The following RORC variants were observed in gnomAD, a reference collection of about 807,000 sequenced individuals.
The protein encoded by RORC is nuclear receptor ROR-gamma.
Under a neutral mutation model 64.5 loss-of-function variants are expected in RORC, and 13 were observed. That is an observed-to-expected ratio of 0.20 (90% CI 0.13 to 0.32). The LOEUF (loss-of-function observed/expected upper bound fraction) is 0.32. Ranked by LOEUF, RORC falls within the 10% of genes least tolerant of loss-of-function variation. The probability of loss-of-function intolerance (pLI) is 1.00; values close to 1 mark genes in which losing one functional copy is unlikely to be tolerated. For missense variants in RORC, 468 were observed against 669.5 expected (o/e 0.70, Z 3.32); for synonymous variants, 277 against 259.3 (o/e 1.07, Z -0.65).
chr1:151,817,372 T>G, intron 2 of RORC, 92 bp from the exon 3 acceptor site: 1 of 824,760 alleles, frequency 1.2e-6, no homozygotes, highest in Non-Finnish European at 2.1e-6. Flanking sequence ...TACCTGGTGC[T>G]TCCACTACTT....
At chr1:151,817,378 T>C in intron 2 of RORC, 98 bp from the exon 3 acceptor site, 2 of 795,696 alleles carry the variant, frequency 2.5e-6, no homozygotes, top group Non-Finnish European at 4.4e-6. Context: ...GTGCTTCCAC[T>C]ACTTCTCCAA....
At chr1:151,809,196 C>T (rs112425126) in intron 10 of RORC, among the ~76,000 whole-genome samples, 193 of 151,972 alleles carry the variant, frequency 1.3e-3, no homozygotes, top group African/African-American at 3.6e-3. Flanking sequence ...GTCAGGAGTT[C>T]GAGACCAGCC....
At position 151,827,822 on chromosome 1, in the gene RORC, G is replaced by C. The variant is rs187377051; in HGVS notation, c.70+1607C>G. 2.8e-3 allele frequency among the ~76,000 whole-genome samples: 431 copies of C among 152,306 alleles called. 3 individuals are homozygous for C. The highest frequency in any genetic ancestry group is 9.6e-3 in the African/African-American group (399 of 41,562). On this transcript the variant is annotated intron_variant, in intron 2 of 10. Transcript: ENST00000318247. ...ACACGAGGACTGGTGGGATGGGAAA[G>C]GGATAAGGAGGTATAGTCCTGGCTG...
At chr1:151,809,936 T>C (rs1459285706) in intron 10 of RORC, among the ~76,000 whole-genome samples, 1 of 151,994 alleles carries the variant, frequency 6.6e-6, no homozygotes, top group Non-Finnish European at 1.5e-5. Context: ...TTAACGCTTA[T>C]ATGGCATTGA....
intron 2 of RORC, among the ~76,000 whole-genome samples, chr1:151,823,813 A>G (rs1652087163): frequency 6.6e-6 from 1 of 152,130 alleles, no homozygotes; most frequent in Admixed American, 6.5e-5. Flanking sequence ...GCGAATTAAA[A>G]AAAACTTTTT....
intron 4 of RORC, among the ~76,000 whole-genome samples, chr1:151,816,134 G>A (rs947683011): frequency 1.7e-4 from 26 of 152,206 alleles, no homozygotes; most frequent in Non-Finnish European, 3.2e-4. Context: ...TGGTGGTGGA[G>A]GTGTGCAGGG....
rs1175316437 is a variant in RORC, at chr1:151,811,418, T to C, written c.1302A>G (p.Gln434=). 1 of 1,613,216 alleles carries C rather than the reference T, an allele frequency of 6.2e-7. No individual in the cohort carries two copies. The highest frequency in any genetic ancestry group is 2.2e-5 in the East Asian group (1 of 44,898). The stretch of plus-strand genomic sequence containing the variant: ...GCAGCTGTTCTACTTTCCTTTTCTC[T>C]TGGAGCCCTGGCCGATCTGGAGGAG... ...VLINAHRPGL[Q]EKRKVEQLQY... The change falls in exon 10 of 11, where the codon CAA becomes CAG. Residue 434 remains glutamine, a synonymous_variant. Coordinates refer to ENST00000318247, the MANE Select transcript of RORC (RefSeq NM_005060.4).
chr1:151,825,884 G>A lies in RORC; in HGVS notation c.70+3545C>T, dbSNP rs751072296. ...ACATCCTCCTTTCCAGAGGGGTGAC[G>A]ACAGGGTCCAGGCTCCCCCGCCCCC... On this transcript the variant is annotated intron_variant, in intron 2 of 10. Coordinates refer to ENST00000318247, the MANE Select transcript of RORC (RefSeq NM_005060.4). The A allele has an allele frequency of 2.4e-5, 38 of 1,609,898 alleles. 1 individual carries two copies. In the South Asian group the frequency reaches 3.2e-4, roughly 14 times the overall value.
intron 4 of RORC, among the ~76,000 whole-genome samples, chr1:151,815,762 C>A (rs943417119): frequency 6.6e-6 from 1 of 152,166 alleles, no homozygotes; most frequent in African/African-American, 2.4e-5. Context: ...GAGCAGAGGG[C>A]CTCAAGCTGT....
intron 2 of RORC, chr1:151,826,023 C>CG (rs1407122910): frequency 5.6e-6 from 9 of 1,600,010 alleles, no homozygotes; most frequent in Non-Finnish European, 6.8e-6. Context: ...GCGGCAGAGG[C>CG]GGGGCGAGGC....
At chr1:151,828,164 C>T (rs1011048773) in intron 2 of RORC, among the ~76,000 whole-genome samples, 1 of 152,176 alleles carries the variant, frequency 6.6e-6, no homozygotes, top group Non-Finnish European at 1.5e-5. Flanking sequence ...ATGCTTTGCT[C>T]TCTGAGATGT....
intron 6 of RORC, 144 bp from the exon 7 acceptor site, chr1:151,813,764 A>G: frequency 1.1e-6 from 1 of 888,658 alleles, no homozygotes; most frequent in Non-Finnish European, 1.7e-6. Context: ...GCCTGGTCTT[A>G]GCACAAATGC....
chr1:151,826,044 G>T, intron 2 of RORC: 5 of 1,590,442 alleles, frequency 3.1e-6, no homozygotes, highest in Non-Finnish European at 2.6e-6. Flanking sequence ...CCTCTCAGCA[G>T]CGCCTCAGCC....
In RORC at chr1:151,820,136, C is replaced by G. The variant is rs535342074; in HGVS notation, c.71-2856G>C. On this transcript the variant is annotated intron_variant, in intron 2 of 10. Transcript: ENST00000318247. ...TTCAGGCCCTCTAGTCCTGCTCCCC[C>G]CTCCTTCCCCTGCCACCTGCACTCC... is the stretch of plus-strand genomic sequence containing the variant. Among the ~76,000 whole-genome samples the G allele has an allele frequency of 2.1e-3, 323 of 152,262 alleles. 2 individuals carry two copies. Among genetic ancestry groups the G allele is most frequent in the Middle Eastern group, 0.014 (4 of 294 alleles).
chr1:151,812,134 GC>G (rs1651561433), intron 9 of RORC: 2 of 152,178 alleles, frequency 1.3e-5, no homozygotes, highest in African/African-American at 4.8e-5. Context: ...TTCACACAGA[GC>G]AGTGATTCTT....
intron 7 of RORC, 21 bp from the exon 8 acceptor site, chr1:151,813,367 A>G (rs376475821): frequency 3.1e-6 from 5 of 1,611,822 alleles, no homozygotes; most frequent in Non-Finnish European, 4.2e-6. Context: ...GGGAGAGAAG[A>G]TGCAGGGACA....
intron 2 of RORC, among the ~76,000 whole-genome samples, chr1:151,825,564 A>G (rs925608293): frequency 2.6e-5 from 4 of 152,172 alleles, no homozygotes; most frequent in Admixed American, 2.0e-4. Flanking sequence ...GAGTGCGTTC[A>G]GGGCCCCTAG....
rs1176822812 is a variant in RORC, at chr1:151,807,790, G to A, written c.1396-157C>T. On this transcript the variant is annotated intron_variant, in intron 10 of 10. Coordinates refer to ENST00000318247, the MANE Select transcript of RORC (RefSeq NM_005060.4). This position sits in a 1 kb window ranked among gnomAD's most constrained non-coding sequence, Gnocchi z 5.0. Reference sequence around the variant, plus strand: ...AGCCAAATCCCACTGGTAGAAGTACGTGTGTGTTCAGGACACTGGAGGGAA... The same window carrying A: ...AGCCAAATCCCACTGGTAGAAGTACATGTGTGTTCAGGACACTGGAGGGAA... 2.0e-5 allele frequency among the ~76,000 whole-genome samples: 3 copies of A among 152,232 alleles called. No homozygotes were observed. The highest frequency in any genetic ancestry group is 6.5e-5 in the Admixed American group (1 of 15,288).
At chr1:151,821,929 G>A (rs1652006669) in intron 2 of RORC, among the ~76,000 whole-genome samples, 1 of 151,948 alleles carries the variant, frequency 6.6e-6, no homozygotes, top group Admixed American at 6.6e-5. Context: ...GCCTCCTCCT[G>A]CCCTTACCCC....
Sources: allele counts gnomAD v4.1 joint callset (sites outside exome capture counted in the v4.1 genomes callset), GRCh38; gene constraint gnomAD v4.1.1; non-coding constraint Gnocchi (gnomAD v3.1); transcripts MANE v1.5; gene names NCBI Gene and HGNC (gene_info 2026-07-23, HGNC 2026-07-21).